The following CDH4 variants were observed in gnomAD, a reference collection of about 807,000 sequenced individuals.
CDH4 encodes cadherin 4.
A neutral mutation model predicts 86.0 loss-of-function variants in CDH4; 33 were observed. The ratio of observed to expected loss-of-function variants is 0.38; its 90% confidence interval spans 0.29 to 0.51. The LOEUF is 0.51. Among genes scored for constraint, CDH4 ranks in the 20% least tolerant of loss-of-function variants. The pLI, the probability that CDH4 is intolerant of heterozygous loss-of-function variation, is 0.86. For missense variants in CDH4, 1,114 were observed against 1,307.4 expected, an observed-to-expected ratio of 0.85 and a Z score of 2.28; for synonymous variants, 555 against 549.4, an observed-to-expected ratio of 1.01 and a Z score of -0.14.
chr20:61,262,136 A>G (rs2084131025), intron 2 of CDH4, among the ~76,000 whole-genome samples: 1 of 152,214 alleles, frequency 6.6e-6, no homozygotes, highest in African/African-American at 2.4e-5. Flanking sequence ...ATGGGGCACC[A>G]GGAACCTTAG....
intron 2 of CDH4, among the ~76,000 whole-genome samples, chr20:61,720,486 T>G (rs1600911040): frequency 2.8e-5 from 3 of 105,380 alleles, no homozygotes; most frequent in Admixed American, 1.1e-4. Flanking sequence ...AATGCAGGGG[T>G]GTAGGGGTGC....
chr20:61,812,586 T>C (rs1980495409), intron 4 of CDH4, among the ~76,000 whole-genome samples: 1 of 151,812 alleles, frequency 6.6e-6, no homozygotes, highest in Admixed American at 6.6e-5. Context: ...ATCGCAAACA[T>C]AGTCTTAAAA....
intron 2 of CDH4, among the ~76,000 whole-genome samples, chr20:61,303,839 G>A (rs1411800585): frequency 6.6e-6 from 1 of 152,246 alleles, no homozygotes; most frequent in Non-Finnish European, 1.5e-5. Context: ...AAGCTGGAAA[G>A]CGAGCCTTCA....
chr20:61,903,411 G>C (rs539639801), intron 8 of CDH4, among the ~76,000 whole-genome samples: 64 of 152,048 alleles, frequency 4.2e-4, no homozygotes, highest in Non-Finnish European at 7.6e-4. Context: ...TGGGCATGAT[G>C]GCGGGTGCTT....
intron 2 of CDH4, among the ~76,000 whole-genome samples, chr20:61,316,906 C>T (rs995412370): frequency 6.6e-6 from 1 of 152,046 alleles, no homozygotes; most frequent in Non-Finnish European, 1.5e-5. Flanking sequence ...CGTGGGTCCT[C>T]CAGCCTCCCT....
At chr20:61,298,679 A>G (rs1351028292) in intron 2 of CDH4, among the ~76,000 whole-genome samples, 3 of 146,558 alleles carry the variant, frequency 2.0e-5, no homozygotes, top group Non-Finnish European at 3.0e-5. Flanking sequence ...TTCTAATTCT[A>G]CTATAATCAT....
Position 61,517,230 on chromosome 20 carries a change from T to C in CDH4, c.170-226333T>C, listed in dbSNP as rs1314530342. The stretch of plus-strand genomic sequence containing the variant: ...TTTTTAGAAATGAGATCTCACTCTG[T>C]TGCCCAGGCTGGAAGGCAGTGGCGC... On this transcript the variant is annotated intron_variant, in intron 2 of 15. Coordinates refer to ENST00000614565, the MANE Select transcript of CDH4 (RefSeq NM_001794.5). This position sits in a 1 kb window ranked among gnomAD's most constrained non-coding sequence, Gnocchi z 6.6. Among the ~76,000 whole-genome samples the C allele has an allele frequency of 6.6e-6, 1 of 152,242 alleles. No individual in the cohort carries two copies. Among genetic ancestry groups the C allele is most frequent in the African/African-American group, 2.4e-5 (1 of 41,470 alleles).
At chr20:61,305,356 C>A (rs1037790359) in intron 2 of CDH4, among the ~76,000 whole-genome samples, 10 of 152,160 alleles carry the variant, frequency 6.6e-5, no homozygotes, top group Admixed American at 2.0e-4. Flanking sequence ...ATCTAGTGAT[C>A]AGTGTGCTGT....
Position 61,873,824 on chromosome 20 carries a change from G to A in CDH4, c.974G>A (p.Ser325Asn), listed in dbSNP as rs956330077. 6.2e-7 allele frequency: 1 copy of A among 1,614,112 alleles called. No individual in the cohort carries two copies. The highest frequency in any genetic ancestry group is 8.5e-7 in the Non-Finnish European group (1 of 1,180,028). ...RYRIVTQTPQ[S>N]PSQNMFTINS... is the part of the protein sequence containing the mutation. The stretch of plus-strand genomic sequence containing the variant: ...CGGATCGTGACCCAGACCCCACAGA[G>A]CCCGTCCCAGAATATGTTCACCATC... Residue 325 changes from serine to asparagine, a missense_variant, in exon 7 of 16, where the codon AGC (serine) becomes AAC (asparagine). By Grantham distance (46) the Ser-to-Asn change is conservative. This residue lies in a region of CDH4 where 705 missense variants were observed against 914.1 expected (regional missense o/e 0.77). Coordinates refer to ENST00000614565, the MANE Select transcript of CDH4 (RefSeq NM_001794.5).
At chr20:61,896,377 G>T (rs1327397992) in intron 8 of CDH4, among the ~76,000 whole-genome samples, 1 of 152,238 alleles carries the variant, frequency 6.6e-6, no homozygotes, top group East Asian at 1.9e-4. Context: ...CCGCATCTGG[G>T]CCTCCTGCGT....
chr20:61,802,257 G>GACA (rs1166211512), intron 4 of CDH4, among the ~76,000 whole-genome samples: 1 of 152,234 alleles, frequency 6.6e-6, no homozygotes, highest in African/African-American at 2.4e-5. Flanking sequence ...TCCCAGCAGA[G>GACA]ACAACAGTCT....
At chr20:61,761,868 G>C (rs992965037) in intron 3 of CDH4, among the ~76,000 whole-genome samples, 1 of 152,242 alleles carries the variant, frequency 6.6e-6, no homozygotes, top group African/African-American at 2.4e-5. Context: ...GGAAGCTCCA[G>C]TGCATGGAGC....
Sources: allele counts gnomAD v4.1 joint callset (sites outside exome capture counted in the v4.1 genomes callset), GRCh38; gene constraint gnomAD v4.1.1; regional missense constraint gnomAD v4.1.1; non-coding constraint Gnocchi (gnomAD v3.1); transcripts MANE v1.5; gene names NCBI Gene and HGNC (gene_info 2026-07-23, HGNC 2026-07-21).